Variants in RABEPK observed in about 807,000 individuals in gnomAD.
RABEPK encodes 40 kDa Rab9 effector protein.
RABEPK carries 27 observed loss-of-function variants against 34.1 expected under a neutral mutation model. The ratio of observed to expected loss-of-function variants is 0.79; its 90% confidence interval spans 0.58 to 1.09. The LOEUF is 1.09. Ranked by LOEUF, RABEPK falls within the 50% of genes least tolerant of loss-of-function variation. RABEPK has a pLI of 0.00. For missense variants in RABEPK, 449 were observed against 462.6 expected (o/e 0.97, Z 0.27); for synonymous variants, 172 against 169.2 (o/e 1.02, Z -0.13).
At position 125,233,935 on chromosome 9, in the gene RABEPK, A is replaced by G; in HGVS notation, c.1074A>G (p.Thr358=). The G allele has an allele frequency of 6.2e-7, 1 of 1,613,514 alleles. No homozygotes were observed. Among genetic ancestry groups the G allele is most frequent in the South Asian group, 1.1e-5 (1 of 91,068 alleles). The part of the protein sequence containing the change: ...LLCLVFGGMN[T]EGEIYDDCIV... Reference sequence around the variant, plus strand: ...GTTTGGTGTTTGGTGGGATGAATACAGAAGGGGAAATCTATGACGATTGTA... The same window carrying G: ...GTTTGGTGTTTGGTGGGATGAATACGGAAGGGGAAATCTATGACGATTGTA... The change falls in exon 8 of 8, where the codon ACA becomes ACG. Residue 358 remains threonine, a synonymous_variant. Coordinates refer to ENST00000373538, the MANE Select transcript of RABEPK (RefSeq NM_005833.4).
At chr9:125,203,415 G>A in intron 2 of RABEPK, among the ~76,000 whole-genome samples, 1 of 152,168 alleles carries the variant, frequency 6.6e-6, no homozygotes, top group East Asian at 1.9e-4. Context: ...TTTCTTGGCT[G>A]TTTGTTCAAA....
intron 4 of RABEPK, among the ~76,000 whole-genome samples, chr9:125,217,011 A>C (rs1056990302): frequency 6.6e-6 from 1 of 151,928 alleles, no homozygotes; most frequent in African/African-American, 2.4e-5. Flanking sequence ...GACACTTGGC[A>C]GACCATTTGG....
chr9:125,228,133 C>T, intron 6 of RABEPK, 74 bp downstream of exon 6: 1 of 1,232,926 alleles, frequency 8.1e-7, no homozygotes. Flanking sequence ...GACAGGATCT[C>T]TGTCTGTCAC....
intron 6 of RABEPK, among the ~76,000 whole-genome samples, chr9:125,228,824 G>T (rs563238080): frequency 6.6e-6 from 1 of 150,958 alleles, no homozygotes; most frequent in South Asian, 2.1e-4. Context: ...TTAGCCAAGT[G>T]TGGTGGCACT....
chr9:125,215,090 C>T (rs1449939108), intron 4 of RABEPK, among the ~76,000 whole-genome samples: 1 of 151,726 alleles, frequency 6.6e-6, no homozygotes, highest in Non-Finnish European at 1.5e-5. Context: ...GTGACCGGCC[C>T]AGCTTTCTGT....
intron 7 of RABEPK, among the ~76,000 whole-genome samples, 165 bp downstream of exon 7, chr9:125,232,910 T>C (rs1171985049): frequency 6.6e-6 from 1 of 151,972 alleles, no homozygotes; most frequent in African/African-American, 2.4e-5. Flanking sequence ...ACCCCATCTC[T>C]ACTAAAATAC....
At chr9:125,222,713 CAAA>C (rs756826019) in intron 5 of RABEPK, among the ~76,000 whole-genome samples, 2 of 48,372 alleles carry the variant, frequency 4.1e-5, no homozygotes, top group African/African-American at 8.8e-5. Flanking sequence ...GACTCTGTAT[CAAA>C]AAAAAAAAAA....
intron 5 of RABEPK, among the ~76,000 whole-genome samples, chr9:125,223,868 A>G (rs182048369): frequency 1.4e-3 from 219 of 152,176 alleles, no homozygotes; most frequent in Non-Finnish European, 2.3e-3. Flanking sequence ...TCAAAGACAA[A>G]TTGTTTGGCA....
In RABEPK at chr9:125,227,993, A is replaced by G. The variant is rs1831883973; in HGVS notation, c.610A>G (p.Lys204Glu). The stretch of plus-strand genomic sequence containing the variant: ...TCATGTGATGGTGGCAGCAGGGACA[A>G]AGCTCTTCATCCACGGAGGCTTGGC... ...HGHVMVAAGT[K>E]LFIHGGLAGD... Residue 204 changes from lysine to glutamate, a missense_variant, in exon 6 of 8, where the codon AAG (lysine) becomes GAG (glutamate). Lys to Glu is a moderately conservative substitution (Grantham distance 56, BLOSUM62 1). Transcript: ENST00000373538. The G allele has an allele frequency of 6.2e-7, 1 of 1,607,552 alleles. No homozygotes were observed. The highest frequency in any genetic ancestry group is 1.1e-5 in the South Asian group (1 of 90,104).
At chr9:125,217,984 T>C in intron 4 of RABEPK, among the ~76,000 whole-genome samples, 1 of 151,844 alleles carries the variant, frequency 6.6e-6, no homozygotes, top group Non-Finnish European at 1.5e-5. Flanking sequence ...AATTTCTTGG[T>C]GTGTTATGGT....
rs1168628696 is a variant in RABEPK at position 125,228,016 on chromosome 9, G to A, written c.633G>A (p.Leu211=). 5 of 1,605,366 alleles carry A rather than the reference G, an allele frequency of 3.1e-6. No homozygotes were observed. Among genetic ancestry groups the A allele is most frequent in the Non-Finnish European group, 4.3e-6 (5 of 1,174,860 alleles). The change falls in exon 6 of 8, where the codon TTG becomes TTA. Residue 211 remains leucine (L), a synonymous_variant. Coordinates refer to ENST00000373538, the MANE Select transcript of RABEPK (RefSeq NM_005833.4). ...AGTKLFIHGG[L]AGDRFYDDLH... ...CAAAGCTCTTCATCCACGGAGGCTT[G>A]GCGGGGGACAGATTCTATGATGACC...
intron 5 of RABEPK, 129 bp downstream of exon 5, chr9:125,220,829 C>T: frequency 1.7e-6 from 2 of 1,188,366 alleles, no homozygotes; most frequent in Non-Finnish European, 2.3e-6. Flanking sequence ...TTTGTTATAT[C>T]TCTTAGCTGA....
At chr9:125,233,241 G>A (rs939809012) in intron 7 of RABEPK, among the ~76,000 whole-genome samples, 2 of 151,530 alleles carry the variant, frequency 1.3e-5, no homozygotes, top group South Asian at 2.1e-4. Context: ...GTTAGGACTC[G>A]GCTGCTACAG....
At chr9:125,224,493 C>T (rs1028087344) in intron 5 of RABEPK, among the ~76,000 whole-genome samples, 1 of 148,686 alleles carries the variant, frequency 6.7e-6, no homozygotes, top group Non-Finnish European at 1.5e-5. Flanking sequence ...CGCTCTGTTG[C>T]CCAGGCTGGA....
Position 125,207,718 on chromosome 9 carries a change from C to A in RABEPK, c.208C>A (p.Leu70Met). 6.2e-7 allele frequency: 1 copy of A among 1,614,112 alleles called. No homozygotes were observed. The highest frequency in any genetic ancestry group is 1.1e-5 in the South Asian group (1 of 91,068). ...RSFSDVHTMDLGKHQWDLDTC... is the reference protein window; with the variant it reads ...RSFSDVHTMDMGKHQWDLDTC... ...CTTCTCAGACGTGCACACCATGGAT[C>A]TGGGTAAGATCAGCAGCTGCAGAGT... Residue 70 changes from leucine to methionine, a missense_variant, in exon 3 of 8, where the codon CTG becomes ATG. By Grantham distance (15) the Leu-to-Met change is conservative. Transcript: ENST00000373538.
Position 125,213,431 on chromosome 9 carries a change from C to T in RABEPK, c.273C>T (p.Ser91=), listed in dbSNP as rs1830715374. 1 of 1,613,992 alleles carries T rather than the reference C, an allele frequency of 6.2e-7. No individual in the cohort carries two copies. The highest frequency in any genetic ancestry group is 8.5e-7 in the Non-Finnish European group (1 of 1,179,898). ...KGLLPRYEHA[S]FIPSCTPDRI... ...TCTTGCCCCGGTATGAACATGCTAG[C>T]TTCATTCCCTCCTGCACACCTGACC... Residue 91 remains serine (S), a synonymous_variant, in exon 4 of 8, where the codon AGC becomes AGT. Coordinates refer to ENST00000373538, the MANE Select transcript of RABEPK (RefSeq NM_005833.4).
intron 4 of RABEPK, among the ~76,000 whole-genome samples, chr9:125,219,302 T>G (rs1467443500): frequency 1.3e-5 from 2 of 150,342 alleles, no homozygotes; most frequent in African/African-American, 4.9e-5. Flanking sequence ...GCTCAAGCAA[T>G]CCTCCTGCCT....
At chr9:125,233,667 C>T (rs202006213) in intron 7 of RABEPK, 21 bp from the exon 8 acceptor site, 1 of 1,601,722 alleles carries the variant, frequency 6.2e-7, no homozygotes, top group African/African-American at 1.3e-5. Context: ...TAACATGAAG[C>T]CTTTTCCCTC....
rs767134418 is a variant in RABEPK, at chr9:125,227,948, C to T, written c.565C>T (p.Pro189Ser). The T allele has an allele frequency of 1.2e-6, 2 of 1,607,756 alleles. No individual in the cohort carries two copies. The highest frequency in any genetic ancestry group is 1.1e-5 in the South Asian group (1 of 90,196). Residue 189 changes from proline to serine, a missense_variant, in exon 6 of 8, where the codon CCT becomes TCT. Pro to Ser is a moderately conservative substitution (Grantham distance 74, BLOSUM62 -1). Coordinates refer to ENST00000373538, the MANE Select transcript of RABEPK (RefSeq NM_005833.4). ...GTCACAGCCAGAGACACTTGGAAAT[C>T]CTCCATCTCCCCGGCATGGTCATGT... Reference protein sequence around the residue: ...TWSQPETLGNPPSPRHGHVMV... With the variant: ...TWSQPETLGNSPSPRHGHVMV...
Sources: gnomAD v4.1 joint callset for allele counts (sites outside exome capture counted in the v4.1 genomes callset) on GRCh38, gnomAD v4.1.1 for gene constraint, MANE v1.5 for transcripts, NCBI Gene and HGNC (gene_info 2026-07-23, HGNC 2026-07-21) for gene names.